The following NECAB2 variants were observed in gnomAD, a reference collection of about 807,000 sequenced individuals.
NECAB2 encodes N-terminal EF-hand calcium-binding protein 2.
NECAB2 carries 68 observed loss-of-function variants against 51.9 expected under a neutral mutation model. The observed-to-expected ratio is 1.31, with a 90% CI of 1.08 to 1.60. NECAB2 has a LOEUF of 1.60. Among genes scored for constraint, NECAB2 ranks in the 40% most tolerant of loss-of-function variants. NECAB2 has a pLI of 0.00. For synonymous variants in NECAB2, 329 were observed against 203.5 expected (o/e 1.62, Z -5.25); for missense variants, 854 against 490.3 (o/e 1.74, Z -7.00).
chr16:83,980,971 G>T, intron 4 of NECAB2, 59 bp from the exon 5 acceptor site: 1 of 1,604,650 alleles, frequency 6.2e-7, no homozygotes, highest in Admixed American at 1.7e-5. Flanking sequence ...GGAGGTGCAG[G>T]AGTGCTGAGT....
At chr16:83,986,525 G>C (rs2084558238) in intron 5 of NECAB2, among the ~76,000 whole-genome samples, 1 of 152,032 alleles carries the variant, frequency 6.6e-6, no homozygotes, top group Non-Finnish European at 1.5e-5. Flanking sequence ...TTCTGTATAA[G>C]AGATAAAGAC....
intron 10 of NECAB2, among the ~76,000 whole-genome samples, chr16:83,999,743 C>T (rs1284554894): frequency 2.0e-5 from 3 of 152,118 alleles, no homozygotes; most frequent in Non-Finnish European, 4.4e-5. Flanking sequence ...CAGCCCCTTC[C>T]TCTGTGGCCC....
chr16:83,997,312 C>T (rs758048979), intron 9 of NECAB2, 43 bp downstream of exon 9: 4 of 1,612,488 alleles, frequency 2.5e-6, no homozygotes, highest in Non-Finnish European at 3.4e-6. Flanking sequence ...ACATCCCTAC[C>T]CATGCCAGGA....
At chr16:83,996,336 T>G (rs963864538) in intron 8 of NECAB2, among the ~76,000 whole-genome samples, 4 of 152,180 alleles carry the variant, frequency 2.6e-5, no homozygotes. Context: ...GCAGTACCCT[T>G]GCCAGGATCA....
intron 2 of NECAB2, among the ~76,000 whole-genome samples, chr16:83,975,412 C>G (rs895868400): frequency 6.6e-6 from 1 of 151,982 alleles, no homozygotes; most frequent in African/African-American, 2.4e-5. Flanking sequence ...CACAAGCACA[C>G]ACAGGACTGC....
intron 5 of NECAB2, among the ~76,000 whole-genome samples, chr16:83,983,749 A>G (rs1027043333): frequency 2.4e-4 from 36 of 152,150 alleles, no homozygotes; most frequent in Non-Finnish European, 4.7e-4. Context: ...CTCTGTCTCC[A>G]TTGGGAGTGG....
At chr16:83,996,862 G>A (rs957551655) in intron 8 of NECAB2, among the ~76,000 whole-genome samples, 10 of 152,268 alleles carry the variant, frequency 6.6e-5, no homozygotes, top group Middle Eastern at 3.4e-3. Flanking sequence ...AGAGAGAACA[G>A]TTCACCCCAT....
intron 1 of NECAB2, among the ~76,000 whole-genome samples, chr16:83,969,518 C>A (rs1004496912): frequency 1.1e-4 from 17 of 151,970 alleles, no homozygotes; most frequent in Non-Finnish European, 2.1e-4. Context: ...CTTCCCCACA[C>A]CCCTCTACCC....
intron 6 of NECAB2, among the ~76,000 whole-genome samples, chr16:83,992,565 G>A (rs971156539): frequency 2.0e-5 from 3 of 152,176 alleles, no homozygotes; most frequent in African/African-American, 7.2e-5. Context: ...GGTACCTCAG[G>A]ACCAGGATAT....
intron 10 of NECAB2, among the ~76,000 whole-genome samples, chr16:84,000,341 G>T (rs189316587): frequency 1.5e-5 from 2 of 133,210 alleles, no homozygotes; most frequent in African/African-American, 8.4e-5. Context: ...ACCAGCATGG[G>T]GAACATAGCA....
At chr16:83,990,206 C>T (rs766422668) in intron 5 of NECAB2, among the ~76,000 whole-genome samples, 9 of 152,302 alleles carry the variant, frequency 5.9e-5, no homozygotes, top group South Asian at 2.1e-4. Context: ...GTTTAATCTT[C>T]GCTACAACCT....
chr16:84,000,855 C>T (rs1432033881), intron 11 of NECAB2, 54 bp downstream of exon 11: 2 of 1,569,380 alleles, frequency 1.3e-6, no homozygotes, highest in South Asian at 1.1e-5. Context: ...AGTGGGGGGG[C>T]TGTCTTCCTG....
chr16:83,994,466 C>G (rs533764589), intron 7 of NECAB2, 46 bp downstream of exon 7: 10 of 1,604,560 alleles, frequency 6.2e-6, no homozygotes, highest in Non-Finnish European at 8.5e-6. Flanking sequence ...CTGGGGGTCC[C>G]GAGGAGTTCT....
rs116989437 is a variant in NECAB2, at chr16:84,002,290, T to C, written c.1133-28T>C. 18 of 1,613,364 alleles carry C rather than the reference T, an allele frequency of 1.1e-5. No individual in the cohort carries two copies. The East Asian group carries it at 4.0e-4, about 36-fold the overall frequency. ...CGAGGCTGCCCACATTCGCACTCCT[T>C]CCCTCTAACGTGTCTCTCTCCTTTT... On this transcript the variant is annotated intron_variant, in intron 12 of 12. Coordinates refer to ENST00000305202, the MANE Select transcript of NECAB2 (RefSeq NM_019065.3).
chr16:83,999,296 G>A (rs560250711), intron 10 of NECAB2, among the ~76,000 whole-genome samples: 1 of 152,300 alleles, frequency 6.6e-6, no homozygotes, highest in African/African-American at 2.4e-5. Flanking sequence ...TCCACTCCAG[G>A]AGGACAGACT....
rs1567683108 is a variant in NECAB2 at position 84,002,500 on chromosome 16, C to A, written c.*154C>A. 3.1e-6 allele frequency: 3 copies of A among 961,790 alleles called. No individual in the cohort carries two copies. The highest frequency in any genetic ancestry group is 5.1e-5 in the East Asian group (2 of 39,100). The allele number at this position is 961,790 out of a possible 1,614,324, so 59.6% of individuals were successfully genotyped here. ...CCCTGTTGTTAAGTGAAGGAGGCCG[C>A]CCCTGCCCCCACCTGAGAAGGCAGA... On this transcript the variant is annotated 3_prime_UTR_variant, in exon 13 of 13. Transcript: ENST00000305202.
rs147389471 is a variant in NECAB2, at chr16:83,996,647, G to C, written c.796-569G>C. Among the ~76,000 whole-genome samples the C allele has an allele frequency of 3.6e-3, 552 of 152,260 alleles. 6 individuals are homozygous for C. Among genetic ancestry groups the C allele is most frequent in the African/African-American group, 0.013 (522 of 41,538 alleles). ...ACGCTCTGACACTTACATGGCTTTC[G>C]TGCCTTCAGAGCCGGGGTTCTCTGC... On this transcript the variant is annotated intron_variant, in intron 8 of 12. Coordinates refer to ENST00000305202, the MANE Select transcript of NECAB2 (RefSeq NM_019065.3).
rs763730403 is a variant in NECAB2 at position 83,998,196 on chromosome 16, G to T, written c.850-9G>T. 3 of 1,606,532 alleles carry T rather than the reference G, an allele frequency of 1.9e-6. No homozygotes were observed. The highest frequency in any genetic ancestry group is 2.5e-6 in the Non-Finnish European group (3 of 1,179,696). Reference sequence around the variant, plus strand: ...GGAGCCCCACACTGACTCCTGCTGTGCCCGGCAGCACCTGCAGCTGGTCCG... The same window carrying T: ...GGAGCCCCACACTGACTCCTGCTGTTCCCGGCAGCACCTGCAGCTGGTCCG... On this transcript the variant is annotated splice_polypyrimidine_tract_variant and intron_variant, in intron 9 of 12. Transcript: ENST00000305202.
At chr16:83,988,358 C>T (rs1478842540) in intron 5 of NECAB2, among the ~76,000 whole-genome samples, 2 of 152,052 alleles carry the variant, frequency 1.3e-5, no homozygotes, top group Non-Finnish European at 2.9e-5. Flanking sequence ...TCATCAGTTA[C>T]TTTAAAAAAT....
Sources: allele counts gnomAD v4.1 joint callset (sites outside exome capture counted in the v4.1 genomes callset), GRCh38; gene constraint gnomAD v4.1.1; transcripts MANE v1.5; gene names NCBI Gene and HGNC (gene_info 2026-07-23, HGNC 2026-07-21).